B3GALT1: variants seen among roughly 807,000 people sequenced by gnomAD.
The protein encoded by B3GALT1 is beta-1,3-galactosyltransferase 1, also known as UDP-Gal:betaGlcNAc beta 1,3-galactosyltransferase, polypeptide 1.
A neutral mutation model predicts 23.2 loss-of-function variants in B3GALT1; 10 were observed. The ratio of observed to expected loss-of-function variants is 0.43; its 90% CI spans 0.27 to 0.73. The LOEUF is 0.73. B3GALT1 is among the 30% of genes least tolerant of loss of function. The probability of loss-of-function intolerance (pLI) is 0.21; values close to 1 mark genes in which losing one functional copy is unlikely to be tolerated. For missense variants in B3GALT1, 299 were observed against 405.4 expected (o/e 0.74, Z 2.25); for synonymous variants, 156 against 141.5 (o/e 1.10, Z -0.73).
intron 3 of B3GALT1, among the ~76,000 whole-genome samples, chr2:167,724,013 C>G (rs1163301175): frequency 2.6e-5 from 4 of 152,132 alleles, no homozygotes; most frequent in Non-Finnish European, 5.9e-5. Flanking sequence ...TTTGATACAT[C>G]TAAGTGATGA....
intron 1 of B3GALT1, among the ~76,000 whole-genome samples, chr2:167,472,267 A>C (rs1203364365): frequency 6.6e-6 from 1 of 152,166 alleles, no homozygotes; most frequent in East Asian, 1.9e-4. Context: ...TCAGTTGCTC[A>C]GTCCTGCTGT....
intron 1 of B3GALT1, among the ~76,000 whole-genome samples, chr2:167,295,481 CT>C (rs1039077368): frequency 6.6e-6 from 1 of 152,124 alleles, no homozygotes; most frequent in East Asian, 1.9e-4. Context: ...GCTGGTAAAA[CT>C]TTTTGTTTTC....
In B3GALT1 at chr2:167,869,274, T is replaced by C; in HGVS notation, c.235T>C (p.Phe79Leu). 6.2e-7 allele frequency: 1 copy of C among 1,614,168 alleles called. No homozygotes were observed. The highest frequency in any genetic ancestry group is 8.5e-7 in the Non-Finnish European group (1 of 1,180,036). Reference protein sequence around the residue: ...EPNKCEKNIPFLVILISTTHK... With the variant: ...EPNKCEKNIPLLVILISTTHK... Reference sequence around the variant, plus strand: ...CAATAAATGTGAGAAAAACATTCCTTTTCTTGTTATCCTCATCAGCACCAC... The same window carrying C: ...CAATAAATGTGAGAAAAACATTCCTCTTCTTGTTATCCTCATCAGCACCAC... The change falls in exon 5 of 5, where the codon TTT becomes CTT. Residue 79 changes from phenylalanine (F) to leucine (L), a missense_variant. Phe to Leu is a conservative substitution (Grantham distance 22). This residue lies in a region of B3GALT1 where 162 missense variants were observed against 184.1 expected (regional missense o/e 0.88). Transcript: ENST00000392690. The surrounding 1 kb of genome is among the most constrained non-coding windows in gnomAD (Gnocchi z 6.4).
chr2:167,460,780 A>G (rs1252060210), intron 1 of B3GALT1, among the ~76,000 whole-genome samples: 1 of 151,978 alleles, frequency 6.6e-6, no homozygotes, highest in African/African-American at 2.4e-5. Flanking sequence ...GTTTTTGTTT[A>G]TTATTTTGTA....
intron 3 of B3GALT1, among the ~76,000 whole-genome samples, chr2:167,735,916 A>C (rs978231228): frequency 1.3e-5 from 2 of 152,234 alleles, no homozygotes; most frequent in Admixed American, 1.3e-4. Context: ...GAGGAAGAGA[A>C]GAGAAGGATG....
chr2:167,685,151 C>A (rs1328034845), intron 3 of B3GALT1, among the ~76,000 whole-genome samples: 1 of 152,210 alleles, frequency 6.6e-6, no homozygotes, highest in African/African-American at 2.4e-5. Flanking sequence ...ATTCAGACTG[C>A]CATGGAGCCT....
chr2:167,651,833 G>A (rs1185415993), intron 3 of B3GALT1, among the ~76,000 whole-genome samples: 4 of 152,058 alleles, frequency 2.6e-5, no homozygotes, highest in Non-Finnish European at 4.4e-5. Flanking sequence ...CTGCTCCCTG[G>A]GAAACATTTA....
intron 3 of B3GALT1, among the ~76,000 whole-genome samples, chr2:167,768,536 T>G (rs1217943654): frequency 6.6e-6 from 1 of 152,248 alleles, no homozygotes; most frequent in Non-Finnish European, 1.5e-5. Flanking sequence ...TATGGGATGA[T>G]GTAATTATAA....
At chr2:167,642,318 T>C (rs1685666864) in intron 2 of B3GALT1, among the ~76,000 whole-genome samples, 1 of 152,200 alleles carries the variant, frequency 6.6e-6, no homozygotes, top group Admixed American at 6.5e-5. Flanking sequence ...AGCTATATCT[T>C]AGTTTGTATT....
chr2:167,822,766 A>C (rs962698683), intron 4 of B3GALT1, among the ~76,000 whole-genome samples: 2 of 152,092 alleles, frequency 1.3e-5, no homozygotes, highest in African/African-American at 2.4e-5. Flanking sequence ...TCACTCCTCC[A>C]CATGCCTTTT....
intron 2 of B3GALT1, among the ~76,000 whole-genome samples, chr2:167,535,602 T>A (rs1421697151): frequency 6.6e-6 from 1 of 151,398 alleles, no homozygotes; most frequent in Non-Finnish European, 1.5e-5. Flanking sequence ...ACAGAACACA[T>A]AGGTATAAAA....
chr2:167,790,121 C>T (rs1688408659), intron 3 of B3GALT1, among the ~76,000 whole-genome samples: 1 of 152,144 alleles, frequency 6.6e-6, no homozygotes, highest in African/African-American at 2.4e-5. Context: ...CACTGCTGCA[C>T]CTTGATGGCA....
chr2:167,668,566 G>A (rs1686257063), intron 3 of B3GALT1, among the ~76,000 whole-genome samples: 1 of 152,168 alleles, frequency 6.6e-6, no homozygotes, highest in African/African-American at 2.4e-5. Flanking sequence ...CCGCCTTGCA[G>A]TTTGATCTCA....
intron 1 of B3GALT1, among the ~76,000 whole-genome samples, chr2:167,428,520 C>CA (rs1166579405): frequency 6.6e-6 from 1 of 151,646 alleles, no homozygotes; most frequent in Non-Finnish European, 1.5e-5. Context: ...ACTAAAAATA[C>CA]AAAAAAAATT....
intron 1 of B3GALT1, among the ~76,000 whole-genome samples, chr2:167,325,486 C>T (rs73015852): frequency 0.02 from 2,986 of 151,900 alleles, 120 homozygotes; most frequent in African/African-American, 0.068. Flanking sequence ...CAATAACTTA[C>T]TCTCACCACA....
chr2:167,307,016 T>G (rs2105483491), intron 1 of B3GALT1, among the ~76,000 whole-genome samples: 1 of 152,180 alleles, frequency 6.6e-6, no homozygotes, highest in Admixed American at 6.6e-5. Flanking sequence ...GACCATCTCC[T>G]AATCTTTTTA....
chr2:167,480,006 C>T (rs1016857156), intron 1 of B3GALT1, among the ~76,000 whole-genome samples: 20 of 152,050 alleles, frequency 1.3e-4, no homozygotes, highest in African/African-American at 4.6e-4. Context: ...TGGATTGTGT[C>T]TGGATGGGGT....
intron 3 of B3GALT1, among the ~76,000 whole-genome samples, chr2:167,796,054 A>AT (rs1345253428): frequency 6.6e-6 from 1 of 152,264 alleles, no homozygotes; most frequent in Non-Finnish European, 1.5e-5. Flanking sequence ...GATAGTGCTC[A>AT]TTATATAATT....
At chr2:167,859,331 T>C (rs1690055961) in intron 4 of B3GALT1, among the ~76,000 whole-genome samples, 1 of 152,190 alleles carries the variant, frequency 6.6e-6, no homozygotes, top group South Asian at 2.1e-4. Flanking sequence ...TTTTCATTTT[T>C]CCCTGAGAGG....
Sources: allele counts gnomAD v4.1 joint callset (sites outside exome capture counted in the v4.1 genomes callset), GRCh38; gene constraint gnomAD v4.1.1; regional missense constraint gnomAD v4.1.1; non-coding constraint Gnocchi (gnomAD v3.1); transcripts MANE v1.5; gene names NCBI Gene and HGNC (gene_info 2026-07-23, HGNC 2026-07-21).